The following NXPE4 variants were observed in gnomAD, a reference collection of about 807,000 sequenced individuals.
NXPE4 encodes the protein NXPE family member 4.
In NXPE4, 42 loss-of-function variants were observed where a neutral mutation model predicts 33.3. That is an observed-to-expected ratio of 1.26 (90% CI 0.98 to 1.63). The LOEUF (loss-of-function observed/expected upper bound fraction) is 1.63, where lower values mean the gene tolerates loss of function less well. Among genes scored for constraint, NXPE4 ranks in the 40% most tolerant of loss-of-function variants. NXPE4 has a pLI of 0.00. For missense variants in NXPE4, 709 were observed against 647.6 expected (o/e 1.09, Z -1.03); for synonymous variants, 253 against 234.9 (o/e 1.08, Z -0.71).
chr11:114,583,124 C>A, intron 2 of NXPE4, 103 bp from the exon 3 acceptor site: 1 of 1,253,234 alleles, frequency 8.0e-7, no homozygotes, highest in South Asian at 1.5e-5. Flanking sequence ...TGTTCCTAGT[C>A]ATTTTTACTT....
chr11:114,670,456 G>A, the NXPE4 span, among the ~76,000 whole-genome samples: 1 of 151,966 alleles, frequency 6.6e-6, no homozygotes, highest in African/African-American at 2.4e-5. Context: ...GCACTGAAGT[G>A]GCCCTTGTGG....
At chr11:114,626,496 G>A in the NXPE4 span, among the ~76,000 whole-genome samples, 2 of 152,138 alleles carry the variant, frequency 1.3e-5, no homozygotes, top group African/African-American at 4.8e-5. Context: ...TAACAGAAAG[G>A]ACATCCACAC....
chr11:114,619,638 T>A, the NXPE4 span, among the ~76,000 whole-genome samples: 1 of 152,066 alleles, frequency 6.6e-6, no homozygotes, highest in Non-Finnish European at 1.5e-5. Flanking sequence ...GGGTAACCAC[T>A]GTTACCCTGT....
At chr11:114,584,204 C>T (rs1005104074) in intron 2 of NXPE4, 8 of 367,336 alleles carry the variant, frequency 2.2e-5, no homozygotes, top group African/African-American at 1.7e-4. Context: ...TAAGAAAGAG[C>T]TGTGGCTCTG....
intron 2 of NXPE4, chr11:114,584,135 A>T (rs1949225887): frequency 3.5e-6 from 1 of 289,218 alleles, no homozygotes; most frequent in Admixed American, 4.5e-5. Context: ...CAACCTGCCT[A>T]TGTTATTGAT....
chr11:114,639,786 ATATATAT>A, the NXPE4 span, among the ~76,000 whole-genome samples: 1 of 125,566 alleles, frequency 8.0e-6, no homozygotes, highest in Non-Finnish European at 1.6e-5. Flanking sequence ...ATAAAATATA[ATATATAT>A]TATATTAAAT....
At chr11:114,674,268 C>A in the NXPE4 span, among the ~76,000 whole-genome samples, 1 of 151,684 alleles carries the variant, frequency 6.6e-6, no homozygotes, top group African/African-American at 2.4e-5. Context: ...AACCAAATAA[C>A]CTTAATTTTC....
the NXPE4 span, among the ~76,000 whole-genome samples, chr11:114,610,195 G>T: frequency 6.6e-6 from 1 of 151,832 alleles, no homozygotes; most frequent in Non-Finnish European, 1.5e-5. Context: ...TTGCCACGTG[G>T]GTAGCCACTG....
At chr11:114,587,535 G>A (rs1289166617) in intron 2 of NXPE4, among the ~76,000 whole-genome samples, 2 of 152,204 alleles carry the variant, frequency 1.3e-5, no homozygotes, top group African/African-American at 4.8e-5. Context: ...ACCAGCAAAG[G>A]ACTAGAGTCA....
chr11:114,577,157 G>A (rs1162551654), intron 5 of NXPE4, among the ~76,000 whole-genome samples: 1 of 129,652 alleles, frequency 7.7e-6, no homozygotes, highest in African/African-American at 3.0e-5. Context: ...AAATATATAT[G>A]TGTCATATAT....
chr11:114,632,571 A>G, the NXPE4 span, among the ~76,000 whole-genome samples: 2 of 113,646 alleles, frequency 1.8e-5, no homozygotes, highest in East Asian at 2.2e-4. Context: ...ATATTTACAT[A>G]TATCATATAT....
chr11:114,612,307 G>A, the NXPE4 span, among the ~76,000 whole-genome samples: 6 of 150,426 alleles, frequency 4.0e-5, no homozygotes, highest in African/African-American at 1.2e-4. Flanking sequence ...GTATTGCCTC[G>A]CAGGTAACCA....
Position 114,571,361 on chromosome 11 carries a change from T to A in NXPE4, c.1212A>T (p.Gly404=). ...TCTCTTTGACTGAATAGGTCATTGA[T>A]CCTATCAAGGGATAACAATATTTTT... ...QWQKYCYPLI[G]SMTYSVKEME... is the part of the protein sequence containing the mutation. Residue 404 remains glycine, a synonymous_variant, in exon 6 of 6, where the codon GGA becomes GGT. Coordinates refer to ENST00000375478, the MANE Select transcript of NXPE4 (RefSeq NM_001077639.2). The A allele has an allele frequency of 6.2e-7, 1 of 1,614,018 alleles. No individual in the cohort carries two copies. Among genetic ancestry groups the A allele is most frequent in the Non-Finnish European group, 8.5e-7 (1 of 1,179,914 alleles).
chr11:114,634,686 A>T, the NXPE4 span, among the ~76,000 whole-genome samples: 2 of 152,030 alleles, frequency 1.3e-5, no homozygotes, highest in East Asian at 3.9e-4. Context: ...ACATATCGCT[A>T]GTTGGTTTTC....
the NXPE4 span, among the ~76,000 whole-genome samples, chr11:114,633,356 T>C: frequency 7.0e-5 from 10 of 142,680 alleles, no homozygotes; most frequent in Admixed American, 4.3e-4. Flanking sequence ...GATTATATTA[T>C]ATATACTATA....
intron 5 of NXPE4, among the ~76,000 whole-genome samples, chr11:114,575,604 A>G (rs1433408038): frequency 6.6e-6 from 1 of 151,934 alleles, no homozygotes; most frequent in Non-Finnish European, 1.5e-5. Flanking sequence ...GCTGTAAAAT[A>G]AAATAAAATA....
intron 5 of NXPE4, among the ~76,000 whole-genome samples, chr11:114,577,008 GTT>G (rs1565329123): frequency 9.6e-5 from 1 of 10,442 alleles, no homozygotes; most frequent in Admixed American, 1.5e-3. Context: ...TATATATAAA[GTT>G]ATATATATAT....
At chr11:114,592,451 G>A (rs769025094) in intron 2 of NXPE4, among the ~76,000 whole-genome samples, 2 of 151,828 alleles carry the variant, frequency 1.3e-5, no homozygotes, top group Non-Finnish European at 2.9e-5. Context: ...GGAATAAATT[G>A]ATCTAAAGAG....
chr11:114,587,185 A>G (rs937612148), intron 2 of NXPE4, among the ~76,000 whole-genome samples: 2 of 152,176 alleles, frequency 1.3e-5, no homozygotes, highest in African/African-American at 4.8e-5. Context: ...GTCTTCAACA[A>G]TGAGGGGAAA....
Sources: allele counts gnomAD v4.1 joint callset (sites outside exome capture counted in the v4.1 genomes callset), GRCh38; gene constraint gnomAD v4.1.1; transcripts MANE v1.5; gene names NCBI Gene and HGNC (gene_info 2026-07-23, HGNC 2026-07-21).